GRIA4: variants seen among roughly 807,000 people sequenced by gnomAD.
GRIA4 encodes glutamate receptor 4.
Under a neutral mutation model 104.0 loss-of-function variants are expected in GRIA4, and 34 were observed. The ratio of observed to expected loss-of-function variants is 0.33; its 90% CI spans 0.25 to 0.44. GRIA4 has a LOEUF of 0.44. GRIA4 is among the 20% of genes least tolerant of loss of function. GRIA4 has a pLI of 1.00. For missense variants in GRIA4, 750 were observed against 1,096.5 expected, an observed-to-expected ratio of 0.68 and a Z score of 4.46; for synonymous variants, 386 against 381.9, an observed-to-expected ratio of 1.01 and a Z score of -0.13.
chr11:105,611,364 A>T (rs368655912), intron 2 of GRIA4, among the ~76,000 whole-genome samples: 3 of 151,994 alleles, frequency 2.0e-5, no homozygotes, highest in Admixed American at 6.6e-5. Context: ...AAGTTGGGGG[A>T]AAGTCTTCGG....
chr11:105,712,950 C>T (rs1279262443), intron 3 of GRIA4, among the ~76,000 whole-genome samples: 48 of 151,958 alleles, frequency 3.2e-4, no homozygotes, highest in Admixed American at 3.0e-3. Flanking sequence ...TGCATATTAC[C>T]CAATGCTTTT....
chr11:105,658,702 G>A (rs1951915224), intron 3 of GRIA4, among the ~76,000 whole-genome samples: 1 of 151,896 alleles, frequency 6.6e-6, no homozygotes, highest in Non-Finnish European at 1.5e-5. Context: ...AATGTATAGG[G>A]ATATAAGACT....
At chr11:105,799,522 A>G (rs1200915736) in intron 4 of GRIA4, among the ~76,000 whole-genome samples, 1 of 152,066 alleles carries the variant, frequency 6.6e-6, no homozygotes, top group Non-Finnish European at 1.5e-5. Flanking sequence ...ACTATCTGGA[A>G]ATGTTCTTTA....
chr11:105,823,961 T>C (rs916100370), intron 4 of GRIA4, among the ~76,000 whole-genome samples: 1 of 152,090 alleles, frequency 6.6e-6, no homozygotes, highest in East Asian at 1.9e-4. Flanking sequence ...AATTTGGACA[T>C]ACAGAGACAC....
chr11:105,690,502 G>A (rs999028109), intron 3 of GRIA4, among the ~76,000 whole-genome samples: 8 of 152,184 alleles, frequency 5.3e-5, no homozygotes, highest in African/African-American at 1.9e-4. Flanking sequence ...TGATAGGGGT[G>A]CAGTACTCTT....
intron 4 of GRIA4, among the ~76,000 whole-genome samples, chr11:105,757,810 G>A (rs1450461536): frequency 6.6e-6 from 1 of 152,140 alleles, no homozygotes; most frequent in Non-Finnish European, 1.5e-5. Flanking sequence ...CTGCTCACTG[G>A]AAAGGTGATG....
chr11:105,945,123 A>G (rs1045980384), intron 14 of GRIA4, among the ~76,000 whole-genome samples: 2 of 152,102 alleles, frequency 1.3e-5, no homozygotes, highest in African/African-American at 4.8e-5. Context: ...CCTTCTTCCT[A>G]AGGAACTCCA....
At chr11:105,843,382 A>G (rs1944464131) in intron 4 of GRIA4, among the ~76,000 whole-genome samples, 1 of 152,234 alleles carries the variant, frequency 6.6e-6, no homozygotes, top group Middle Eastern at 3.2e-3. Flanking sequence ...TTTGAAACAT[A>G]TAATAGGCAA....
intron 3 of GRIA4, among the ~76,000 whole-genome samples, chr11:105,677,844 T>C (rs762235297): frequency 6.6e-6 from 1 of 152,016 alleles, no homozygotes; most frequent in Non-Finnish European, 1.5e-5. Context: ...TTAATGTGCA[T>C]GAACAAAGTT....
intron 6 of GRIA4, among the ~76,000 whole-genome samples, chr11:105,887,928 T>C (rs1163432465): frequency 6.6e-6 from 1 of 152,230 alleles, no homozygotes; most frequent in Non-Finnish European, 1.5e-5. Flanking sequence ...TAATAGCTTA[T>C]GTTCTCTAAT....
chr11:105,825,163 A>G (rs956704804), intron 4 of GRIA4, among the ~76,000 whole-genome samples: 57 of 152,070 alleles, frequency 3.7e-4, no homozygotes, highest in African/African-American at 1.3e-3. Flanking sequence ...AATTATAACA[A>G]GATTTATCAA....
At chr11:105,828,205 C>A (rs1943845453) in intron 4 of GRIA4, among the ~76,000 whole-genome samples, 1 of 151,962 alleles carries the variant, frequency 6.6e-6, no homozygotes, top group Non-Finnish European at 1.5e-5. Context: ...TTCTCTTTCA[C>A]AAAATTTAAT....
chr11:105,763,186 G>C (rs1486710034), intron 4 of GRIA4, among the ~76,000 whole-genome samples: 1 of 152,180 alleles, frequency 6.6e-6, no homozygotes, highest in Non-Finnish European at 1.5e-5. Flanking sequence ...AAATGGGAGT[G>C]AGAGGAGAAA....
chr11:105,974,333 G>C lies in GRIA4; in HGVS notation c.2433G>C (p.Leu811=). 1 of 1,613,878 alleles carries C rather than the reference G, an allele frequency of 6.2e-7. No individual in the cohort carries two copies. Among genetic ancestry groups the C allele is most frequent in the Non-Finnish European group, 8.5e-7 (1 of 1,179,784 alleles). ...GSKDKTSALS[L]SNVAGVFYIL... Reference sequence around the variant, plus strand: ...AGGACAAGACGAGTGCCTTGAGCCTGAGCAATGTAGCAGGCGTCTTCTACA... The same window carrying C: ...AGGACAAGACGAGTGCCTTGAGCCTCAGCAATGTAGCAGGCGTCTTCTACA... The change falls in exon 16 of 17, where the codon CTG becomes CTC. Residue 811 remains leucine, a synonymous_variant. Transcript: ENST00000282499.
At chr11:105,888,529 G>T (rs558796380) in intron 6 of GRIA4, among the ~76,000 whole-genome samples, 2 of 151,228 alleles carry the variant, frequency 1.3e-5, no homozygotes, top group Non-Finnish European at 3.0e-5. Flanking sequence ...CTCGTGATCC[G>T]CCCGCCTCGG....
At chr11:105,613,988 C>G (rs772642901) in intron 3 of GRIA4, 4 of 151,776 alleles carry the variant, frequency 2.6e-5, no homozygotes, top group Non-Finnish European at 5.9e-5. Context: ...GTTTTATGTT[C>G]CAAGTTTTAA....
chr11:105,697,672 A>T (rs1242018596), intron 3 of GRIA4, among the ~76,000 whole-genome samples: 2 of 152,152 alleles, frequency 1.3e-5, no homozygotes, highest in Non-Finnish European at 2.9e-5. Flanking sequence ...TTTAATTAAG[A>T]TAGATTTATT....
chr11:105,931,298 ACAC>A (rs1311225613), intron 13 of GRIA4, among the ~76,000 whole-genome samples: 2 of 151,668 alleles, frequency 1.3e-5, no homozygotes. Context: ...ACACACACAC[ACAC>A]ACCAATCTTC....
At position 105,641,733 on chromosome 11, in the gene GRIA4, G is replaced by C. The variant is rs562289365; in HGVS notation, c.247+29299G>C. Among the ~76,000 whole-genome samples, 4 of 152,156 alleles carry C rather than the reference G, an allele frequency of 2.6e-5. No homozygotes were observed. In the South Asian group the frequency reaches 8.3e-4, roughly 32 times the overall value. ...CTTTTAGTAGAAAGAATGCCCTTCAGTCCACACTGTGTTACTAGGCCCAAA... is the reference window on the plus strand; with the variant it reads ...CTTTTAGTAGAAAGAATGCCCTTCACTCCACACTGTGTTACTAGGCCCAAA... On this transcript the variant is annotated intron_variant, in intron 3 of 16. Coordinates refer to ENST00000282499, the MANE Select transcript of GRIA4 (RefSeq NM_000829.4).
Sources: gnomAD v4.1 joint callset for allele counts (sites outside exome capture counted in the v4.1 genomes callset) on GRCh38, gnomAD v4.1.1 for gene constraint, MANE v1.5 for transcripts, NCBI Gene and HGNC (gene_info 2026-07-23, HGNC 2026-07-21) for gene names.